SMAP1: variants seen among roughly 807,000 people sequenced by gnomAD.
SMAP1 encodes small ArfGAP 1.
A neutral mutation model predicts 58.5 loss-of-function variants in SMAP1; 24 were observed. That is an observed-to-expected ratio of 0.41 (90% CI 0.30 to 0.58). The LOEUF is 0.58. Ranked by LOEUF, SMAP1 falls within the 20% of genes least tolerant of loss-of-function variation. The pLI, the probability that SMAP1 is intolerant of heterozygous loss-of-function variation, is 0.29. For missense variants in SMAP1, 563 were observed against 566.3 expected, an observed-to-expected ratio of 0.99 and a Z score of 0.06; for synonymous variants, 216 against 196.6, an observed-to-expected ratio of 1.10 and a Z score of -0.82.
intron 2 of SMAP1, among the ~76,000 whole-genome samples, chr6:70,748,928 C>T (rs1766159655): frequency 6.6e-6 from 1 of 151,744 alleles, no homozygotes; most frequent in Admixed American, 6.6e-5. Flanking sequence ...TTTTTATATC[C>T]TTACAAAAAT....
At chr6:70,821,261 G>A (rs954413771) in intron 6 of SMAP1, among the ~76,000 whole-genome samples, 3 of 152,120 alleles carry the variant, frequency 2.0e-5, no homozygotes, top group Non-Finnish European at 2.9e-5. Flanking sequence ...CATTGCGTCT[G>A]TGAGATTCAT....
intron 1 of SMAP1, among the ~76,000 whole-genome samples, chr6:70,682,626 C>T (rs1766765376): frequency 6.6e-6 from 1 of 152,116 alleles, no homozygotes; most frequent in African/African-American, 2.4e-5. Context: ...TTTGTGTGCG[C>T]ACTTTTTTTT....
At chr6:70,747,289 A>C (rs141479613) in intron 2 of SMAP1, among the ~76,000 whole-genome samples, 1 of 152,348 alleles carries the variant, frequency 6.6e-6, no homozygotes, top group East Asian at 1.9e-4. Context: ...TTTGTTTACC[A>C]ATCACTGAAC....
At chr6:70,770,191 G>T (rs916050784) in intron 3 of SMAP1, among the ~76,000 whole-genome samples, 19 of 151,310 alleles carry the variant, frequency 1.3e-4, no homozygotes, top group African/African-American at 3.2e-4. Context: ...ATTTTTTCCT[G>T]CATTTCAACC....
intron 3 of SMAP1, 72 bp downstream of exon 3, chr6:70,755,137 T>C: frequency 8.4e-7 from 1 of 1,190,892 alleles, no homozygotes; most frequent in Admixed American, 1.9e-5. Flanking sequence ...ATTTTATCTG[T>C]TAGTATTTAG....
At chr6:70,719,746 A>C (rs1768435520) in intron 1 of SMAP1, among the ~76,000 whole-genome samples, 1 of 152,164 alleles carries the variant, frequency 6.6e-6, no homozygotes, top group Non-Finnish European at 1.5e-5. Flanking sequence ...AGGAAGAAGC[A>C]AAAGTGGAAA....
intron 6 of SMAP1, among the ~76,000 whole-genome samples, chr6:70,803,042 C>T (rs1192019322): frequency 6.6e-6 from 1 of 152,108 alleles, no homozygotes; most frequent in African/African-American, 2.4e-5. Flanking sequence ...GGGAGGATTC[C>T]CTCTTTTTCT....
chr6:70,679,991 G>A (rs1280439735), intron 1 of SMAP1, among the ~76,000 whole-genome samples: 1 of 152,118 alleles, frequency 6.6e-6, no homozygotes, highest in African/African-American at 2.4e-5. Flanking sequence ...TTATTAAAAA[G>A]CTATAGTTAT....
At chr6:70,747,236 A>T (rs1429917251) in intron 2 of SMAP1, among the ~76,000 whole-genome samples, 2 of 152,176 alleles carry the variant, frequency 1.3e-5, no homozygotes, top group Non-Finnish European at 2.9e-5. Context: ...GTAAGTTTTA[A>T]TATTTTTTAA....
intron 3 of SMAP1, among the ~76,000 whole-genome samples, chr6:70,764,732 G>T (rs1481017519): frequency 6.6e-6 from 1 of 152,176 alleles, no homozygotes; most frequent in Non-Finnish European, 1.5e-5. Flanking sequence ...ACACAAACAT[G>T]TTGTTTCATG....
intron 1 of SMAP1, among the ~76,000 whole-genome samples, chr6:70,675,198 GTTTTTTTTTTT>G (rs67744035): frequency 9.1e-6 from 1 of 109,982 alleles, no homozygotes; most frequent in Non-Finnish European, 1.8e-5. Context: ...ATTATATAGT[GTTTTTTTTTTT>G]TTTTTTTTTT....
At chr6:70,802,613 G>A (rs1241836924) in intron 6 of SMAP1, among the ~76,000 whole-genome samples, 2 of 152,132 alleles carry the variant, frequency 1.3e-5, no homozygotes, top group African/African-American at 4.8e-5. Flanking sequence ...TCCAGTTTTT[G>A]CCCATTCAGT....
intron 3 of SMAP1, among the ~76,000 whole-genome samples, chr6:70,769,362 C>T (rs1030101931): frequency 6.6e-6 from 1 of 152,120 alleles, no homozygotes; most frequent in Non-Finnish European, 1.5e-5. Context: ...GTTAAAGTCT[C>T]CCATTATTAT....
chr6:70,742,745 A>G (rs1329147360), intron 2 of SMAP1, among the ~76,000 whole-genome samples: 1 of 152,196 alleles, frequency 6.6e-6, no homozygotes, highest in African/African-American at 2.4e-5. Context: ...GACTGGAGTA[A>G]TTTATAAAGA....
intron 4 of SMAP1, among the ~76,000 whole-genome samples, chr6:70,784,979 C>G (rs1767941827): frequency 2.0e-5 from 3 of 152,122 alleles, no homozygotes; most frequent in African/African-American, 7.2e-5. Flanking sequence ...GACCTCTCCA[C>G]CCCAGATCAA....
intron 3 of SMAP1, among the ~76,000 whole-genome samples, chr6:70,763,106 C>T (rs1184360184): frequency 3.0e-4 from 25 of 84,464 alleles, no homozygotes; most frequent in South Asian, 9.2e-4. Flanking sequence ...ACAGATATTA[C>T]TTTTTTTTTT....
At chr6:70,798,542 G>A (rs961144270) in intron 5 of SMAP1, 115 bp from the exon 6 acceptor site, 25 of 717,112 alleles carry the variant, frequency 3.5e-5, no homozygotes, top group Admixed American at 6.0e-5. Context: ...CGTAGATATT[G>A]TAATTACTGA....
At chr6:70,671,340 A>G (rs1004340271) in intron 1 of SMAP1, among the ~76,000 whole-genome samples, 1 of 152,064 alleles carries the variant, frequency 6.6e-6, no homozygotes, top group Admixed American at 6.6e-5. Context: ...TTGTTAATGT[A>G]TATTTCTGAG....
Position 70,732,333 on chromosome 6 carries a change from G to A in SMAP1, c.119-45G>A, listed in dbSNP as rs763020031. On this transcript the variant is annotated intron_variant, in intron 1 of 10. Transcript: ENST00000370455. ...CTAATATGCTGTTATGTTTATTTTT[G>A]TTTTTAACATTTGCTTTTTTTTGTG... The A allele has an allele frequency of 1.5e-5, 23 of 1,564,680 alleles. No individual in the cohort carries two copies. The African/African-American group carries it at 2.9e-4, about 20-fold the overall frequency.
Sources: gnomAD v4.1 joint callset for allele counts (sites outside exome capture counted in the v4.1 genomes callset) on GRCh38, gnomAD v4.1.1 for gene constraint, MANE v1.5 for transcripts, NCBI Gene and HGNC (gene_info 2026-07-23, HGNC 2026-07-21) for gene names.